Variants in NDUFA7 observed in about 807,000 individuals in gnomAD.
NDUFA7 encodes NADH:ubiquinone oxidoreductase subunit A7.
A neutral mutation model predicts 14.2 loss-of-function variants in NDUFA7; 18 were observed. That is an observed-to-expected ratio of 1.27 (90% CI 0.88 to 1.88). The LOEUF (loss-of-function observed/expected upper bound fraction) is 1.88. NDUFA7 is among the 40% of genes most tolerant of loss of function. The pLI is 0.00. For missense variants in NDUFA7, 172 were observed against 147.3 expected, an observed-to-expected ratio of 1.17 and a Z score of -0.87; for synonymous variants, 75 against 62.1, an observed-to-expected ratio of 1.21 and a Z score of -0.98.
downstream of NDUFA7, among the ~76,000 whole-genome samples, chr19:8,310,314 A>C (rs970527847): frequency 6.6e-6 from 1 of 152,064 alleles, no homozygotes; most frequent in Non-Finnish European, 1.5e-5. Flanking sequence ...CTGTAATCCC[A>C]GCTACTCGGG....
At chr19:8,309,599 T>C (rs555256939), downstream of NDUFA7, among the ~76,000 whole-genome samples, 2 of 152,268 alleles carry the variant, frequency 1.3e-5, no homozygotes, top group African/African-American at 4.8e-5. Context: ...CCTCCTGACC[T>C]TTCTGAATCT....
At chr19:8,308,683 G>A, downstream of NDUFA7, 1 of 270,982 alleles carries the variant, frequency 3.7e-6, no homozygotes, top group South Asian at 4.6e-5. Flanking sequence ...TTGTGGCGCC[G>A]ACAGGTAATT....
intron 1 of NDUFA7, 31 bp from the exon 2 acceptor site, chr19:8,320,937 G>C (rs777653613): frequency 6.2e-7 from 1 of 1,613,000 alleles, no homozygotes; most frequent in East Asian, 2.2e-5. Flanking sequence ...AGGTCGGCCT[G>C]CAAGGCACCC....
At chr19:8,321,073 G>A (rs1970301107) in intron 1 of NDUFA7, 167 bp from the exon 2 acceptor site, 2 of 881,868 alleles carry the variant, frequency 2.3e-6, no homozygotes, top group Non-Finnish European at 3.5e-6. Flanking sequence ...CAAAGCCAGA[G>A]TCCGGGCCCA....
intron 3 of NDUFA7, among the ~76,000 whole-genome samples, chr19:8,315,004 T>C (rs1366428453): frequency 6.6e-6 from 1 of 152,196 alleles, no homozygotes; most frequent in Non-Finnish European, 1.5e-5. Context: ...CCCTGAGACA[T>C]GTGCTATGTC....
chr19:8,316,680 G>A, intron 2 of NDUFA7, 35 bp from the exon 3 acceptor site: 2 of 1,609,508 alleles, frequency 1.2e-6, no homozygotes, highest in East Asian at 2.2e-5. Flanking sequence ...GAAGCAAAGA[G>A]ACAGTCACTG....
rs368535993 is a variant in NDUFA7 at position 8,316,522 on chromosome 19, C to T, written c.225G>A (p.Ala75=). 9.1e-5 allele frequency: 147 copies of T among 1,614,002 alleles called. No individual in the cohort carries two copies. The African/African-American group carries it at 1.1e-3, about 12-fold the overall frequency. The change falls in exon 3 of 4, where the codon GCG becomes GCA. Residue 75 remains alanine (A), a synonymous_variant. Transcript: ENST00000301457. ...PPSIIMSSQK[A]LVSGKPAESS... ...TCTCTGCTGGCTTGCCTGACACCAGCGCCTTCTGCGACGACATGATGATGG... is the reference window on the plus strand; with the variant it reads ...TCTCTGCTGGCTTGCCTGACACCAGTGCCTTCTGCGACGACATGATGATGG...
chr19:8,309,278 G>T (rs987902403), downstream of NDUFA7, among the ~76,000 whole-genome samples: 5 of 152,012 alleles, frequency 3.3e-5, no homozygotes, highest in African/African-American at 1.2e-4. Context: ...TTCTAAACCA[G>T]CCTGGCCAAC....
intron 3 of NDUFA7, among the ~76,000 whole-genome samples, chr19:8,312,022 G>A (rs1256509622): frequency 6.6e-6 from 1 of 152,250 alleles, no homozygotes; most frequent in Non-Finnish European, 1.5e-5. Context: ...AGAACTGCAT[G>A]GCAGGCGCTA....
At position 8,316,535 on chromosome 19, in the gene NDUFA7, G is replaced by A. The variant is rs745465916; in HGVS notation, c.212C>T (p.Ser71Leu). ...GCCTGACACCAGCGCCTTCTGCGAC[G>A]ACATGATGATGGAAGGGGGCACAGA... ...RESVPPSIIM[S>L]SQKALVSGKP... The change falls in exon 3 of 4, where the codon TCG (serine) becomes TTG (leucine). Residue 71 changes from serine to leucine, a missense_variant. Coordinates refer to ENST00000301457, the MANE Select transcript of NDUFA7 (RefSeq NM_005001.5). 33 of 1,614,054 alleles carry A rather than the reference G, an allele frequency of 2.0e-5. No homozygotes were observed. In the South Asian group the frequency reaches 3.0e-4, roughly 14 times the overall value.
Position 8,316,630 on chromosome 19 carries a change from G to GGGA in NDUFA7, c.114_116dup (p.Pro39dup), listed in dbSNP as rs774369260. ...TGTGGCTAGGACCCACAGGGAGCTTGGGAGGAGGCTGAGTTCTGAGGGGAA... is the reference window on the plus strand; with the variant it reads ...TGTGGCTAGGACCCACAGGGAGCTTGGGAGGAGGAGGCTGAGTTCTGAGGGGAA... On this transcript the variant is annotated inframe_insertion, in exon 3 of 4. Transcript: ENST00000301457. 37 of 1,614,004 alleles carry GGGA rather than the reference G, an allele frequency of 2.3e-5. No homozygotes were observed. Among genetic ancestry groups the GGGA allele is most frequent in the Non-Finnish European group, 2.9e-5 (34 of 1,180,016 alleles).
At chr19:8,321,120 T>C in intron 1 of NDUFA7, 188 bp downstream of exon 1, 1 of 898,232 alleles carries the variant, frequency 1.1e-6, no homozygotes, top group Non-Finnish European at 1.7e-6. Context: ...ACTGGGGAAA[T>C]CCCAGGCCTG....
chr19:8,311,459 G>T lies in NDUFA7; in HGVS notation c.*46C>A. On this transcript the variant is annotated 3_prime_UTR_variant, in exon 4 of 4. Transcript: ENST00000301457. ...AAATTAGGTCACATTCTCCCTGGAG[G>T]AAATCCAAGGAGGCAAAGTAGTCGG... is the stretch of plus-strand genomic sequence containing the variant. 6.9e-7 allele frequency: 1 copy of T among 1,447,884 alleles called. No individual in the cohort carries two copies. Among genetic ancestry groups the T allele is most frequent in the Non-Finnish European group, 9.5e-7 (1 of 1,049,130 alleles). 89.7% of individuals were successfully genotyped at this position (1,447,884 alleles called of 1,614,324 possible).
downstream of NDUFA7, among the ~76,000 whole-genome samples, chr19:8,309,384 G>C (rs756293435): frequency 1.6e-4 from 25 of 151,862 alleles, no homozygotes; most frequent in Admixed American, 2.6e-4. Flanking sequence ...TGAGATGGGA[G>C]AATCGCTTGA....
chr19:8,320,910 T>C lies in NDUFA7; in HGVS notation c.52-4A>G, dbSNP rs763323398. 3.7e-6 allele frequency: 6 copies of C among 1,613,134 alleles called. No individual in the cohort carries two copies. In the South Asian group the frequency reaches 5.5e-5, roughly 15 times the overall value. ...GCAGCTTCCCCTGCAGGTCATGCTGTGGGAAGAGGAGAGGAGAGGTCGGCC... is the reference window on the plus strand; with the variant it reads ...GCAGCTTCCCCTGCAGGTCATGCTGCGGGAAGAGGAGAGGAGAGGTCGGCC... On this transcript the variant is annotated splice_polypyrimidine_tract_variant and splice_region_variant and intron_variant, in intron 1 of 3. Coordinates refer to ENST00000301457, the MANE Select transcript of NDUFA7 (RefSeq NM_005001.5).
Position 8,316,584 on chromosome 19 carries a change from A to C in NDUFA7, c.163T>G (p.Cys55Gly), listed in dbSNP as rs778346181. ...GATTCCCGGCGGCCATCGCGAGTGCAATAGTAATTGTTGGAGAGCTTGTGG... is the reference window on the plus strand; with the variant it reads ...GATTCCCGGCGGCCATCGCGAGTGCCATAGTAATTGTTGGAGAGCTTGTGG... ...PSHKLSNNYY[C>G]TRDGRRESVP... is the part of the protein sequence containing the mutation. Residue 55 changes from cysteine to glycine, a missense_variant, in exon 3 of 4, where the codon TGC (cysteine) becomes GGC (glycine). Coordinates refer to ENST00000301457, the MANE Select transcript of NDUFA7 (RefSeq NM_005001.5). The C allele has an allele frequency of 9.3e-6, 15 of 1,614,046 alleles. No individual in the cohort carries two copies. In the African/African-American group the frequency reaches 1.9e-4, roughly 20 times the overall value.
At chr19:8,313,510 G>A (rs1202683178) in intron 3 of NDUFA7, among the ~76,000 whole-genome samples, 1 of 152,252 alleles carries the variant, frequency 6.6e-6, no homozygotes, top group African/African-American at 2.4e-5. Context: ...GATTACAGGC[G>A]TGAGCCACCG....
intron 3 of NDUFA7, among the ~76,000 whole-genome samples, chr19:8,315,306 G>A (rs892472032): frequency 3.9e-5 from 6 of 152,182 alleles, no homozygotes; most frequent in Admixed American, 1.3e-4. Flanking sequence ...AAAGAGGAAG[G>A]AATGCCCTGT....
At chr19:8,314,059 C>T (rs1970207190) in intron 3 of NDUFA7, among the ~76,000 whole-genome samples, 1 of 152,232 alleles carries the variant, frequency 6.6e-6, no homozygotes, top group East Asian at 1.9e-4. Context: ...TGGTGGCTCA[C>T]ACCTGTAATT....
Sources: allele counts gnomAD v4.1 joint callset (sites outside exome capture counted in the v4.1 genomes callset), GRCh38; gene constraint gnomAD v4.1.1; transcripts MANE v1.5; gene names NCBI Gene and HGNC (gene_info 2026-07-23, HGNC 2026-07-21).